The following B4GALNT3 variants were observed in gnomAD, a reference collection of about 807,000 sequenced individuals.
B4GALNT3 encodes beta-1,4-N-acetyl-galactosaminyltransferase 3.
In B4GALNT3, 86 loss-of-function variants were observed where a neutral mutation model predicts 120.2. The ratio of observed to expected loss-of-function variants is 0.72; its 90% CI spans 0.60 to 0.86. The LOEUF (loss-of-function observed/expected upper bound fraction) is 0.86, where lower values mean the gene tolerates loss of function less well. Ranked by LOEUF, B4GALNT3 falls within the 40% of genes least tolerant of loss-of-function variation. The probability of loss-of-function intolerance (pLI) is 0.00; values close to 1 mark genes in which losing one functional copy is unlikely to be tolerated. For synonymous variants in B4GALNT3, 518 were observed against 510.4 expected, an observed-to-expected ratio of 1.01 and a Z score of -0.20; for missense variants, 1,167 against 1,298.9, an observed-to-expected ratio of 0.90 and a Z score of 1.56.
chr12:514,419 G>C (rs1006470330), intron 1 of B4GALNT3, among the ~76,000 whole-genome samples: 3 of 151,628 alleles, frequency 2.0e-5, no homozygotes, highest in Admixed American at 6.6e-5. Flanking sequence ...GGATGGTCTC[G>C]ATCTACTGAC....
intron 1 of B4GALNT3, among the ~76,000 whole-genome samples, chr12:488,183 T>C (rs868239590): frequency 2.0e-5 from 3 of 151,412 alleles, no homozygotes; most frequent in Admixed American, 1.3e-4. Flanking sequence ...CCTAGAATTC[T>C]GAACCCTGTG....
Position 553,938 on chromosome 12 carries a change from A to G in B4GALNT3, c.2015A>G (p.Glu672Gly). ...CTGCTTCCAGAGCAGGAAGCTCTGGAGGTCACGCGAGTCTTCTTGAAGAAG... is the reference window on the plus strand; with the variant it reads ...CTGCTTCCAGAGCAGGAAGCTCTGGGGGTCACGCGAGTCTTCTTGAAGAAG... ...NLLLPEQEAL[E>G]VTRVFLKKLN... Residue 672 changes from glutamate (E) to glycine (G), a missense_variant, in exon 14 of 20, where the codon GAG becomes GGG. Glu to Gly is a moderately conservative substitution (Grantham distance 98). Coordinates refer to ENST00000266383, the MANE Select transcript of B4GALNT3 (RefSeq NM_173593.4). The G allele has an allele frequency of 6.2e-7, 1 of 1,613,936 alleles. No homozygotes were observed. The highest frequency in any genetic ancestry group is 8.5e-7 in the Non-Finnish European group (1 of 1,179,950).
At chr12:551,924 G>A in intron 11 of B4GALNT3, 139 bp from the exon 12 acceptor site, 3 of 698,522 alleles carry the variant, frequency 4.3e-6, no homozygotes, top group Non-Finnish European at 7.8e-6. Flanking sequence ...GGCGCTCAGA[G>A]CAACCCTTCT....
intron 19 of B4GALNT3, 38 bp downstream of exon 19, chr12:559,459 A>G (rs757789574): frequency 8.1e-6 from 13 of 1,608,134 alleles, no homozygotes; most frequent in Middle Eastern, 1.7e-4. Flanking sequence ...AGGCCTGGGA[A>G]TTCCATGGCG....
At position 460,607 on chromosome 12, in the gene B4GALNT3, TG is replaced by T; in HGVS notation, c.169+68del. 7.8e-7 allele frequency: 1 copy of T among 1,278,578 alleles called. No individual in the cohort carries two copies. The highest frequency in any genetic ancestry group is 1.0e-6 in the Non-Finnish European group (1 of 999,764). 79.2% of individuals were successfully genotyped at this position (1,278,578 alleles called of 1,614,324 possible). ...TGGGCGGCGGCGGCGGCTCCTGCGT[TG>T]GGGGGACCCGCCTCTCATCCCATCC... On this transcript the variant is annotated intron_variant, in intron 1 of 19. Coordinates refer to ENST00000266383, the MANE Select transcript of B4GALNT3 (RefSeq NM_173593.4). The surrounding 1 kb of genome is among the most constrained non-coding windows in gnomAD (Gnocchi z 8.0).
Position 556,630 on chromosome 12 carries a change from T to C in B4GALNT3, c.2144T>C (p.Leu715Pro), listed in dbSNP as rs1486308956. ...GGTCGCTACCTCCTGGAGCTTGAACTGTTGGAACAAGGCCAGCGCGTGGTG... is the reference window on the plus strand; with the variant it reads ...GGTCGCTACCTCCTGGAGCTTGAACCGTTGGAACAAGGCCAGCGCGTGGTG... ...RGGRYLLELELLEQGQRVVRL... is the reference protein window; with the variant it reads ...RGGRYLLELEPLEQGQRVVRL... Residue 715 changes from leucine to proline, a missense_variant, in exon 15 of 20, where the codon CTG becomes CCG. Physicochemically the swap from Leu to Pro is moderately conservative, Grantham distance 98. Transcript: ENST00000266383. 9 of 1,613,968 alleles carry C rather than the reference T, an allele frequency of 5.6e-6. No individual in the cohort carries two copies. Among genetic ancestry groups the C allele is most frequent in the Non-Finnish European group, 6.8e-6 (8 of 1,180,052 alleles).
intron 1 of B4GALNT3, among the ~76,000 whole-genome samples, chr12:524,273 A>G (rs1188849844): frequency 6.6e-6 from 1 of 152,198 alleles, no homozygotes; most frequent in African/African-American, 2.4e-5. Flanking sequence ...ATTTATCACT[A>G]CCAAGGACAG....
intron 3 of B4GALNT3, chr12:543,025 G>A (rs907986060): frequency 1.8e-5 from 19 of 1,035,226 alleles, no homozygotes; most frequent in African/African-American, 1.7e-5. Flanking sequence ...AACCCCAGCC[G>A]GCTCCTCCTA....
At chr12:513,401 G>T (rs1946618891) in intron 1 of B4GALNT3, among the ~76,000 whole-genome samples, 2 of 152,230 alleles carry the variant, frequency 1.3e-5, no homozygotes, top group Admixed American at 1.3e-4. Flanking sequence ...AACGGTGTGG[G>T]TTATTCGTGC....
At position 556,728 on chromosome 12, in the gene B4GALNT3, C is replaced by T. The variant is rs113571884; in HGVS notation, c.2242C>T (p.Arg748Trp). 9.9e-5 allele frequency: 160 copies of T among 1,613,776 alleles called. 1 individual carries two copies. The highest frequency in any genetic ancestry group is 2.0e-4 in the Admixed American group (12 of 60,006). Residue 748 changes from arginine to tryptophan, a missense_variant, in exon 15 of 20, where the codon CGG (arginine) becomes TGG (tryptophan). By Grantham distance (101) the Arg-to-Trp change is moderately radical. Around this residue, in one of 3 missense-constraint regions of B4GALNT3, gnomAD observed 983 missense variants for 1,102.5 expected, o/e 0.89. Coordinates refer to ENST00000266383, the MANE Select transcript of B4GALNT3 (RefSeq NM_173593.4). ...DPAGGEEVEA[R>W]NLQGLVWDPH... is the part of the protein sequence containing the mutation. ...AGCTGGTGGGGAGGAGGTCGAGGCC[C>T]GGAACCTGCAAGGCCTGGTCTGGGA... is the stretch of plus-strand genomic sequence containing the variant.
At chr12:467,432 G>T (rs1250132332) in intron 1 of B4GALNT3, among the ~76,000 whole-genome samples, 1 of 152,114 alleles carries the variant, frequency 6.6e-6, no homozygotes, top group Non-Finnish European at 1.5e-5. Flanking sequence ...GGTGGTGTGT[G>T]CCTGTAGTCC....
In B4GALNT3 at chr12:474,947, C is replaced by CA. The variant is rs386375353; in HGVS notation, c.169+14422dup. On this transcript the variant is annotated intron_variant, in intron 1 of 19. Transcript: ENST00000266383. Reference sequence around the variant, plus strand: ...TGGGTGACAGAGGGAGACCTTGTCTCAAAAAAAAAAAAAAAAAAAAGCCAA... The same window carrying CA: ...TGGGTGACAGAGGGAGACCTTGTCTCAAAAAAAAAAAAAAAAAAAAAGCCAA... 8.8e-3 allele frequency among the ~76,000 whole-genome samples: 533 copies of CA among 60,550 alleles called. 27 individuals carry two copies. The highest frequency in any genetic ancestry group is 0.024 in the African/African-American group (323 of 13,300). The allele number at this position is 60,550 out of a possible 152,430, so 39.7% of individuals were successfully genotyped here. A position where few individuals can be genotyped will look rare whatever the true frequency, so the allele number is the denominator to read the frequency against.
At chr12:511,190 G>A (rs1946546348) in intron 1 of B4GALNT3, among the ~76,000 whole-genome samples, 2 of 136,644 alleles carry the variant, frequency 1.5e-5, no homozygotes, top group Admixed American at 1.5e-4. Context: ...CACCACGCTC[G>A]GCTAATTTTT....
chr12:560,499 G>C (rs1037670539), intron 19 of B4GALNT3, among the ~76,000 whole-genome samples: 1 of 152,230 alleles, frequency 6.6e-6, no homozygotes, highest in Non-Finnish European at 1.5e-5. Context: ...AGCGTTAGAG[G>C]CTTGAAAACT....
At chr12:484,940 T>C (rs1368298286) in intron 1 of B4GALNT3, among the ~76,000 whole-genome samples, 2 of 152,180 alleles carry the variant, frequency 1.3e-5, no homozygotes, top group African/African-American at 4.8e-5. Flanking sequence ...GTATGTGGGC[T>C]TCAGGAGATA....
Position 536,283 on chromosome 12 carries a change from C to T in B4GALNT3, c.339C>T (p.Pro113=). The change falls in exon 3 of 20, where the codon CCC becomes CCT. Residue 113 remains proline (P), a synonymous_variant. Coordinates refer to ENST00000266383, the MANE Select transcript of B4GALNT3 (RefSeq NM_173593.4). ...SSYLKWNKPV[P]WLSEFRGRAN... is the part of the protein sequence containing the mutation. Reference sequence around the variant, plus strand: ...ACTTGAAGTGGAACAAGCCTGTCCCCTGGCTCTCAGAGGTGAGGGACTTTC... The same window carrying T: ...ACTTGAAGTGGAACAAGCCTGTCCCTTGGCTCTCAGAGGTGAGGGACTTTC... The T allele has an allele frequency of 6.2e-7, 1 of 1,613,610 alleles. No homozygotes were observed. Among genetic ancestry groups the T allele is most frequent in the South Asian group, 1.1e-5 (1 of 91,070 alleles).
chr12:559,224 G>C (rs1367297450), intron 18 of B4GALNT3, 71 bp from the exon 19 acceptor site: 3 of 1,599,532 alleles, frequency 1.9e-6, no homozygotes, highest in African/African-American at 2.7e-5. Context: ...TAGGCACACA[G>C]CCTGGAAGCC....
chr12:504,296 CAAAA>C (rs1244677214), intron 1 of B4GALNT3, among the ~76,000 whole-genome samples: 1 of 121,530 alleles, frequency 8.2e-6, no homozygotes, highest in Non-Finnish European at 1.7e-5. Context: ...AAAACAAAAA[CAAAA>C]ACACAATTTT....
At chr12:466,153 C>T (rs544084187) in intron 1 of B4GALNT3, among the ~76,000 whole-genome samples, 157 of 152,236 alleles carry the variant, frequency 1.0e-3, no homozygotes, top group Non-Finnish European at 1.4e-3. Context: ...GTTGTTCAGA[C>T]GCTGTGCATG....
Sources: allele counts gnomAD v4.1 joint callset (sites outside exome capture counted in the v4.1 genomes callset), GRCh38; gene constraint gnomAD v4.1.1; regional missense constraint gnomAD v4.1.1; non-coding constraint Gnocchi (gnomAD v3.1); transcripts MANE v1.5; gene names NCBI Gene and HGNC (gene_info 2026-07-23, HGNC 2026-07-21).